ANOS1: variants seen among roughly 807,000 people sequenced by gnomAD.
ANOS1 encodes anosmin-1.
Under a neutral mutation model 59.0 loss-of-function variants are expected in ANOS1, and 6 were observed. That is an observed-to-expected ratio of 0.10 (90% CI 0.06 to 0.20). The LOEUF (loss-of-function observed/expected upper bound fraction) is 0.20, where lower values mean the gene tolerates loss of function less well. Ranked by LOEUF, ANOS1 falls within the 10% of genes least tolerant of loss-of-function variation. The probability of loss-of-function intolerance (pLI) is 1.00; values close to 1 mark genes in which losing one functional copy is unlikely to be tolerated. For missense variants in ANOS1, 433 were observed against 542.3 expected, an observed-to-expected ratio of 0.80 and a Z score of 2.00; for synonymous variants, 217 against 223.4, an observed-to-expected ratio of 0.97 and a Z score of 0.25.
At chrX:8,667,706 C>T (rs1275711399) in intron 2 of ANOS1, among the ~76,000 whole-genome samples, 1 of 111,016 alleles carries the variant, frequency 9.0e-6, no homozygotes, top group Non-Finnish European at 1.9e-5. Flanking sequence ...GGGGTTGCTT[C>T]TTAGAAGGAG....
chrX:8,603,074 T>A (rs1246037917), intron 3 of ANOS1, among the ~76,000 whole-genome samples: 1 of 111,990 alleles, frequency 8.9e-6, no homozygotes, highest in Non-Finnish European at 1.9e-5. Context: ...TGGCTCCAAT[T>A]TAAAATTTGA....
At chrX:8,587,715 G>T (rs1040668522) in intron 5 of ANOS1, 79 bp downstream of exon 5, 5 of 769,448 alleles carry the variant, frequency 6.5e-6, no homozygotes, top group Non-Finnish European at 9.7e-6. Context: ...TTGAGGCATA[G>T]CAAGTTAATT....
chrX:8,707,588 C>T (rs1180881505), intron 1 of ANOS1, among the ~76,000 whole-genome samples: 1 of 111,789 alleles, frequency 8.9e-6, no homozygotes, highest in Non-Finnish European at 1.9e-5. Flanking sequence ...CCAGACTTTT[C>T]TTCTTCTCAT....
chrX:8,605,198 C>T (rs893634705), intron 3 of ANOS1, among the ~76,000 whole-genome samples: 7 of 109,981 alleles, frequency 6.4e-5, no homozygotes, highest in African/African-American at 2.3e-4. Flanking sequence ...GCCGCTGCTG[C>T]CCCCATCTCA....
chrX:8,668,103 G>C (rs1008147410), intron 2 of ANOS1, among the ~76,000 whole-genome samples: 3 of 108,076 alleles, frequency 2.8e-5, no homozygotes, highest in Non-Finnish European at 5.7e-5. Flanking sequence ...TTCTTTAGTG[G>C]TGATTTGTGA....
At chrX:8,560,485 T>C (rs1930015349) in intron 8 of ANOS1, among the ~76,000 whole-genome samples, 2 of 112,221 alleles carry the variant, frequency 1.8e-5, no homozygotes, top group South Asian at 3.7e-4. Flanking sequence ...ATTACTGTTG[T>C]ACCCCCCAAA....
At chrX:8,647,651 T>C in intron 2 of ANOS1, among the ~76,000 whole-genome samples, 1 of 112,173 alleles carries the variant, frequency 8.9e-6, no homozygotes, top group East Asian at 2.8e-4. Flanking sequence ...AAAAAAAAAG[T>C]GAACTCTTAG....
At chrX:8,611,650 T>C (rs7056816) in intron 3 of ANOS1, among the ~76,000 whole-genome samples, 49 of 111,100 alleles carry the variant, frequency 4.4e-4, no homozygotes, top group African/African-American at 1.5e-3. Flanking sequence ...TCAAAGGTTT[T>C]TCAGAAAATA....
chrX:8,639,153 A>G (rs1294335637), intron 2 of ANOS1, among the ~76,000 whole-genome samples: 3 of 111,648 alleles, frequency 2.7e-5, no homozygotes, highest in Non-Finnish European at 5.6e-5. Flanking sequence ...CATCATTTTT[A>G]TAACAGACAT....
rs1469513783 is a variant in ANOS1, at chrX:8,569,013, G to A, written c.1063-637C>T. On this transcript the variant is annotated intron_variant, in intron 7 of 13. Coordinates refer to ENST00000262648, the MANE Select transcript of ANOS1 (RefSeq NM_000216.4). ...TAATAAAGTAACAGAGATCTATGTT[G>A]CCACATACATGGAAAAATTATGAAT... Among the ~76,000 whole-genome samples the A allele has an allele frequency of 3.6e-5, 4 of 111,640 alleles. No homozygotes were observed. The South Asian group carries it at 1.5e-3, about 42-fold the overall frequency.
chrX:8,618,726 A>G (rs972361493), intron 3 of ANOS1, among the ~76,000 whole-genome samples: 4 of 112,383 alleles, frequency 3.6e-5, no homozygotes, highest in African/African-American at 1.3e-4. Context: ...AGGAAAATGT[A>G]TATTTTGTAT....
chrX:8,537,362 T>C (rs1299553787), intron 10 of ANOS1, among the ~76,000 whole-genome samples: 2 of 112,249 alleles, frequency 1.8e-5, no homozygotes, highest in Non-Finnish European at 3.8e-5. Flanking sequence ...AATGATGATA[T>C]TCTTTAGCAA....
In ANOS1 at chrX:8,714,441, G is replaced by A. The variant is rs1383130321; in HGVS notation, c.208-14696C>T. Among the ~76,000 whole-genome samples, 10 of 111,149 alleles carry A rather than the reference G, an allele frequency of 9.0e-5. No homozygotes were observed. The Admixed American group carries it at 9.6e-4, about 11-fold the overall frequency. The stretch of plus-strand genomic sequence containing the variant: ...CACATGCATTAAGAGTAGGTGGAGA[G>A]GATATGCTTCCGGATAACATGAGCT... On this transcript the variant is annotated intron_variant, in intron 1 of 13. Transcript: ENST00000262648.
chrX:8,624,749 T>C (rs1408129756), intron 2 of ANOS1, among the ~76,000 whole-genome samples: 1 of 110,686 alleles, frequency 9.0e-6, no homozygotes, highest in Non-Finnish European at 1.9e-5. Flanking sequence ...TATATGCACA[T>C]ATAATATAGT....
chrX:8,537,011 T>C, intron 10 of ANOS1, 69 bp from the exon 11 acceptor site: 6 of 918,804 alleles, frequency 6.5e-6, no homozygotes, highest in East Asian at 6.3e-5. Context: ...CTGGCAAGAA[T>C]TGAAATCATA....
intron 2 of ANOS1, among the ~76,000 whole-genome samples, chrX:8,677,603 A>G (rs1000170583): frequency 8.9e-5 from 10 of 111,892 alleles, no homozygotes. Context: ...AGTTAAGGAA[A>G]TTAAAATTTA....
intron 2 of ANOS1, among the ~76,000 whole-genome samples, chrX:8,690,819 T>C (rs1342664011): frequency 9.0e-6 from 1 of 111,378 alleles, no homozygotes; most frequent in Non-Finnish European, 1.9e-5. Context: ...TGTACCCTTA[T>C]AAGAACTGAA....
intron 3 of ANOS1, among the ~76,000 whole-genome samples, chrX:8,615,558 AAG>A (rs3057371): frequency 0.28 from 25,831 of 92,017 alleles, 3,656 homozygotes; most frequent in Non-Finnish European, 0.3. Flanking sequence ...AAAAAAAAAA[AAG>A]AAAAGAAAAG....
At chrX:8,697,962 C>T (rs927944098) in intron 2 of ANOS1, among the ~76,000 whole-genome samples, 4 of 112,012 alleles carry the variant, frequency 3.6e-5, no homozygotes, top group African/African-American at 1.3e-4. Flanking sequence ...CTTCATGAAT[C>T]CCAAAAGAAA....
Sources: allele counts gnomAD v4.1 joint callset (sites outside exome capture counted in the v4.1 genomes callset), GRCh38; gene constraint gnomAD v4.1.1; transcripts MANE v1.5; gene names NCBI Gene and HGNC (gene_info 2026-07-23, HGNC 2026-07-21).